Variants in ASCC3 observed in about 807,000 individuals in gnomAD.
The protein encoded by ASCC3 is ASC-1 complex subunit P200.
In ASCC3, 158 loss-of-function variants were observed where a neutral mutation model predicts 256.3. The ratio of observed to expected loss-of-function variants is 0.62; its 90% confidence interval spans 0.54 to 0.70. The LOEUF is 0.70. Ranked by LOEUF, ASCC3 falls within the 30% of genes least tolerant of loss-of-function variation. The pLI is 0.00. For synonymous variants in ASCC3, 948 were observed against 883.4 expected (o/e 1.07, Z -1.30); for missense variants, 2,259 against 2,626.0 (o/e 0.86, Z 3.05).
intron 33 of ASCC3, 36 bp from the exon 34 acceptor site, chr6:100,601,971 G>A (rs1179643951): frequency 6.2e-7 from 1 of 1,604,512 alleles, no homozygotes; most frequent in South Asian, 1.1e-5. Context: ...GCATACAAGA[G>A]CATTAAACTA....
intron 34 of ASCC3, among the ~76,000 whole-genome samples, chr6:100,596,070 C>CTATG (rs1772279290): frequency 6.6e-6 from 1 of 152,008 alleles, no homozygotes; most frequent in Admixed American, 6.6e-5. Flanking sequence ...TTTTGTACAG[C>CTATG]TATGGTCTAT....
intron 36 of ASCC3, among the ~76,000 whole-genome samples, chr6:100,557,103 G>A (rs552806690): frequency 1.3e-5 from 2 of 152,234 alleles, no homozygotes; most frequent in East Asian, 1.9e-4. Flanking sequence ...TCTACTGAGC[G>A]AGCAGAAGCA....
At chr6:100,599,659 T>C (rs974026470) in intron 34 of ASCC3, among the ~76,000 whole-genome samples, 2 of 151,412 alleles carry the variant, frequency 1.3e-5, no homozygotes, top group Non-Finnish European at 2.9e-5. Context: ...AAATAGAAAG[T>C]TCAACAATTA....
At chr6:100,783,297 A>G (rs750213073) in intron 8 of ASCC3, among the ~76,000 whole-genome samples, 13 of 152,122 alleles carry the variant, frequency 8.5e-5, no homozygotes, top group Non-Finnish European at 1.9e-4. Context: ...GGACTTCCCA[A>G]TTAAAAGTTT....
intron 3 of ASCC3, chr6:100,859,127 C>A (rs1773100014): frequency 1.3e-6 from 1 of 779,978 alleles, no homozygotes; most frequent in East Asian, 2.4e-5. Flanking sequence ...TCCTCTGAAT[C>A]TGTCAGAAGC....
intron 10 of ASCC3, among the ~76,000 whole-genome samples, chr6:100,755,942 A>C (rs1781158593): frequency 6.6e-6 from 1 of 152,046 alleles, no homozygotes; most frequent in Non-Finnish European, 1.5e-5. Flanking sequence ...AAAATAGTAA[A>C]CTTTTTTTAG....
At chr6:100,693,855 A>C (rs1328851755) in intron 13 of ASCC3, among the ~76,000 whole-genome samples, 1 of 152,158 alleles carries the variant, frequency 6.6e-6, no homozygotes, top group Non-Finnish European at 1.5e-5. Context: ...GTAGCAGCTC[A>C]ATATATTAAA....
chr6:100,867,965 A>G lies in ASCC3; in HGVS notation c.33T>C (p.Arg11=), dbSNP rs773968257. The G allele has an allele frequency of 4.3e-6, 7 of 1,613,882 alleles. No individual in the cohort carries two copies. The highest frequency in any genetic ancestry group is 5.9e-6 in the Non-Finnish European group (7 of 1,179,836). The change falls in exon 2 of 42, where the codon CGT becomes CGC. Residue 11 remains arginine, a synonymous_variant. Coordinates refer to ENST00000369162, the MANE Select transcript of ASCC3 (RefSeq NM_006828.4). ...CTTGCTTGGTGACATTTGAAAAGGA[A>G]CGCAAGGCTCCTGTGAGACGAGGTA... MALPRLTGAL[R]SFSNVTKQDN...
At chr6:100,677,963 A>T (rs1475015582) in intron 14 of ASCC3, among the ~76,000 whole-genome samples, 1 of 152,112 alleles carries the variant, frequency 6.6e-6, no homozygotes, top group East Asian at 1.9e-4. Flanking sequence ...ATCATTTTAA[A>T]ATATCTCCAT....
At position 100,629,164 on chromosome 6, in the gene ASCC3, C is replaced by G; in HGVS notation, c.4226G>C (p.Gly1409Ala). The change falls in exon 27 of 42, where the codon GGG becomes GCG. Residue 1409 changes from glycine (G) to alanine (A), a missense_variant. Coordinates refer to ENST00000369162, the MANE Select transcript of ASCC3 (RefSeq NM_006828.4). ...KLGKKVIELT[G>A]DVTPDMKSIA... ...GGATTTCATATCAGGAGTCACATCC[C>G]CTGTTAGTTCAATAACTCTGGAGGG... The G allele has an allele frequency of 1.2e-6, 2 of 1,613,402 alleles. No individual in the cohort carries two copies. Among genetic ancestry groups the G allele is most frequent in the Non-Finnish European group, 1.7e-6 (2 of 1,179,584 alleles).
intron 12 of ASCC3, 120 bp from the exon 13 acceptor site, chr6:100,715,653 G>A: frequency 1.4e-6 from 1 of 716,894 alleles, no homozygotes; most frequent in Non-Finnish European, 2.4e-6. Flanking sequence ...AGAATGCAGA[G>A]GTATCAAATA....
chr6:100,767,997 T>C (rs962088166), intron 8 of ASCC3, among the ~76,000 whole-genome samples: 1 of 152,194 alleles, frequency 6.6e-6, no homozygotes, highest in Non-Finnish European at 1.5e-5. Flanking sequence ...TTTGAGTTCA[T>C]ATTCATTTAT....
In ASCC3 at chr6:100,703,204, TA is replaced by T. The variant is rs986099710; in HGVS notation, c.2151+12257del. On this transcript the variant is annotated intron_variant, in intron 13 of 41. Transcript: ENST00000369162. Reference sequence around the variant, plus strand: ...GTAGAATAAAAAGTAAACACAAAAATAATAGAAATTTAAAAACGTAAGAGGA... The same window carrying T: ...GTAGAATAAAAAGTAAACACAAAAATATAGAAATTTAAAAACGTAAGAGGA... Among the ~76,000 whole-genome samples, 3 of 152,032 alleles carry T rather than the reference TA, an allele frequency of 2.0e-5. No individual in the cohort carries two copies. In the East Asian group the frequency reaches 5.8e-4, roughly 29 times the overall value.
At chr6:100,672,953 AAC>A (rs1473119345) in intron 14 of ASCC3, among the ~76,000 whole-genome samples, 5 of 152,092 alleles carry the variant, frequency 3.3e-5, no homozygotes, top group African/African-American at 4.8e-5. Context: ...CACGACAAAA[AAC>A]AGTTTAAGGC....
At chr6:100,856,209 T>G in intron 3 of ASCC3, 1 of 232,192 alleles carries the variant, frequency 4.3e-6, no homozygotes, top group Non-Finnish European at 7.1e-6. Context: ...CTTGGTGGCT[T>G]TATCACAATA....
intron 10 of ASCC3, among the ~76,000 whole-genome samples, chr6:100,752,273 C>G (rs575741749): frequency 1.3e-5 from 2 of 151,892 alleles, no homozygotes; most frequent in Non-Finnish European, 2.9e-5. Flanking sequence ...TTAAACATCT[C>G]CATGTAAAAG....
At position 100,715,189 on chromosome 6, in the gene ASCC3, T is replaced by C. The variant is rs1779033045; in HGVS notation, c.2151+273A>G. The C allele has an allele frequency of 5.4e-5, 15 of 277,708 alleles. No homozygotes were observed. In the South Asian group the frequency reaches 1.0e-3, roughly 19 times the overall value. The allele number at this position is 277,708 out of a possible 1,614,324, so 17.2% of individuals were successfully genotyped here. On this transcript the variant is annotated intron_variant, in intron 13 of 41. Coordinates refer to ENST00000369162, the MANE Select transcript of ASCC3 (RefSeq NM_006828.4). ...TATATATATTACATTTCAATTGATA[T>C]TGCTTCATGAAAACAGTAAGAATAT...
chr6:100,644,542 TC>T (rs1280328176), intron 22 of ASCC3, among the ~76,000 whole-genome samples: 2 of 152,220 alleles, frequency 1.3e-5, no homozygotes, highest in African/African-American at 4.8e-5. Context: ...TCTAATAATA[TC>T]CCATTGGATA....
At position 100,718,046 on chromosome 6, in the gene ASCC3, T is replaced by A. The variant is rs762523817; in HGVS notation, c.2079+29A>T. ...TCAATAATAAGTCAACAAAAATATT[T>A]TTAGATAAGAATTAAAATGAGTATT... On this transcript the variant is annotated intron_variant, in intron 12 of 41. Coordinates refer to ENST00000369162, the MANE Select transcript of ASCC3 (RefSeq NM_006828.4). The A allele has an allele frequency of 4.4e-6, 7 of 1,600,388 alleles. No individual in the cohort carries two copies. In the South Asian group the frequency reaches 7.8e-5, roughly 18 times the overall value.
Sources: gnomAD v4.1 joint callset for allele counts (sites outside exome capture counted in the v4.1 genomes callset) on GRCh38, gnomAD v4.1.1 for gene constraint, MANE v1.5 for transcripts, NCBI Gene and HGNC (gene_info 2026-07-23, HGNC 2026-07-21) for gene names.